The following XKR4 variants were observed in gnomAD, a reference collection of about 807,000 sequenced individuals.
XKR4 encodes XK related 4.
Under a neutral mutation model 53.9 loss-of-function variants are expected in XKR4, and 12 were observed. The observed-to-expected ratio is 0.22, with a 90% CI of 0.14 to 0.36. The LOEUF is 0.36. Ranked by LOEUF, XKR4 falls within the 10% of genes least tolerant of loss-of-function variation. The pLI is 1.00. For synonymous variants in XKR4, 354 were observed against 362.4 expected (o/e 0.98, Z 0.26); for missense variants, 799 against 859.5 (o/e 0.93, Z 0.88).
At chr8:55,446,319 G>A (rs1805346075) in intron 2 of XKR4, among the ~76,000 whole-genome samples, 1 of 152,106 alleles carries the variant, frequency 6.6e-6, no homozygotes, top group African/African-American at 2.4e-5. Flanking sequence ...GGCGCTGGGA[G>A]ACGAATCAAA....
intron 1 of XKR4, among the ~76,000 whole-genome samples, chr8:55,222,188 G>A (rs1209642616): frequency 6.6e-6 from 1 of 152,122 alleles, no homozygotes; most frequent in African/African-American, 2.4e-5. Flanking sequence ...CTTAGATCAT[G>A]TTTTTCAAAC....
At chr8:55,457,394 G>T (rs1030092949) in intron 2 of XKR4, among the ~76,000 whole-genome samples, 2 of 152,106 alleles carry the variant, frequency 1.3e-5, no homozygotes, top group Non-Finnish European at 1.5e-5. Context: ...TGCCCGCTTT[G>T]GCCTCCCAAA....
intron 2 of XKR4, among the ~76,000 whole-genome samples, chr8:55,471,172 G>A (rs752319144): frequency 2.0e-5 from 3 of 152,122 alleles, no homozygotes; most frequent in African/African-American, 4.8e-5. Context: ...GGTGGCAGCT[G>A]TGTTGGACAG....
chr8:55,461,754 A>G (rs1297803252), intron 2 of XKR4, among the ~76,000 whole-genome samples: 1 of 152,234 alleles, frequency 6.6e-6, no homozygotes, highest in Non-Finnish European at 1.5e-5. Context: ...GATAACTAGA[A>G]TAACCAATGC....
intron 2 of XKR4, among the ~76,000 whole-genome samples, chr8:55,364,569 C>T (rs1178921718): frequency 6.6e-6 from 1 of 152,160 alleles, no homozygotes; most frequent in Non-Finnish European, 1.5e-5. Flanking sequence ...CTGTTTTTCT[C>T]AATGTCCTTC....
At position 55,220,033 on chromosome 8, in the gene XKR4, T is replaced by A. The variant is rs183696070; in HGVS notation, c.806+116739T>A. Among the ~76,000 whole-genome samples, 4 of 152,274 alleles carry A rather than the reference T, an allele frequency of 2.6e-5. No homozygotes were observed. In the East Asian group the frequency reaches 7.7e-4, roughly 29 times the overall value. ...CCATAGTTAAAAATAATATATTGTA[T>A]GTTTCAAAATTGCTAACGAATAGAT... On this transcript the variant is annotated intron_variant, in intron 1 of 2. Coordinates refer to ENST00000327381, the MANE Select transcript of XKR4 (RefSeq NM_052898.2).
intron 1 of XKR4, among the ~76,000 whole-genome samples, chr8:55,348,721 CAGAG>C (rs57415116): frequency 6.7e-6 from 1 of 150,040 alleles, no homozygotes; most frequent in Non-Finnish European, 1.5e-5. Flanking sequence ...CACACACACA[CAGAG>C]AGAGAGATGA....
intron 1 of XKR4, among the ~76,000 whole-genome samples, chr8:55,316,054 C>A (rs1442635001): frequency 1.3e-5 from 2 of 152,170 alleles, no homozygotes; most frequent in Non-Finnish European, 2.9e-5. Context: ...AAAATCATTG[C>A]AACATGAATT....
chr8:55,516,469 TA>T (rs11326924), intron 2 of XKR4, among the ~76,000 whole-genome samples: 5,658 of 152,164 alleles, frequency 0.037, 347 homozygotes, highest in African/African-American at 0.12. Context: ...AAATTTCCTC[TA>T]AAAAATGTTG....
chr8:55,252,412 T>G (rs1219607607), intron 1 of XKR4, among the ~76,000 whole-genome samples: 1 of 152,186 alleles, frequency 6.6e-6, no homozygotes, highest in East Asian at 1.9e-4. Context: ...ATTTTTGTTT[T>G]ATTGTGTATT....
intron 2 of XKR4, among the ~76,000 whole-genome samples, chr8:55,507,904 G>C (rs1026332548): frequency 5.9e-5 from 9 of 152,046 alleles, no homozygotes; most frequent in African/African-American, 2.2e-4. Context: ...TCTAGTTCTA[G>C]ATCCCTGAGG....
At chr8:55,475,327 C>G (rs765615347) in intron 2 of XKR4, among the ~76,000 whole-genome samples, 13 of 152,108 alleles carry the variant, frequency 8.5e-5, no homozygotes, top group Admixed American at 2.6e-4. Context: ...GAATTCCATG[C>G]CTGAAAATGT....
intron 1 of XKR4, among the ~76,000 whole-genome samples, chr8:55,287,212 C>A (rs534405034): frequency 1.3e-5 from 2 of 150,470 alleles, no homozygotes; most frequent in Admixed American, 6.6e-5. Context: ...CACTTTCAAC[C>A]ACCGACAAAT....
chr8:55,121,672 G>T (rs1816392641), intron 1 of XKR4, among the ~76,000 whole-genome samples: 1 of 152,124 alleles, frequency 6.6e-6, no homozygotes, highest in Non-Finnish European at 1.5e-5. Context: ...TCACATGGGG[G>T]AAATAAAAAA....
intron 1 of XKR4, among the ~76,000 whole-genome samples, chr8:55,218,336 G>T (rs1210261407): frequency 1.3e-5 from 2 of 152,150 alleles, no homozygotes; most frequent in Admixed American, 1.3e-4. Context: ...CTAGAAAAAG[G>T]AAGCATTTCA....
chr8:55,358,021 A>G (rs2129384388), intron 2 of XKR4, 144 bp downstream of exon 2: 1 of 832,980 alleles, frequency 1.2e-6, no homozygotes, highest in Non-Finnish European at 1.8e-6. Context: ...TGAATGATGC[A>G]TGATGTTTTC....
intron 1 of XKR4, among the ~76,000 whole-genome samples, chr8:55,243,648 A>C (rs776423731): frequency 3.3e-5 from 5 of 152,208 alleles, no homozygotes; most frequent in Admixed American, 6.5e-5. Flanking sequence ...CTACCAAACT[A>C]TCTTCCAAAG....
intron 1 of XKR4, among the ~76,000 whole-genome samples, chr8:55,188,580 T>G (rs1474261333): frequency 6.6e-6 from 1 of 152,196 alleles, no homozygotes; most frequent in South Asian, 2.1e-4. Flanking sequence ...AAGTGTCTCC[T>G]TTGAAAACAG....
chr8:55,191,316 A>C (rs1404343978), intron 1 of XKR4, among the ~76,000 whole-genome samples: 7 of 152,198 alleles, frequency 4.6e-5, no homozygotes, highest in Non-Finnish European at 8.8e-5. Context: ...GGGATTGCAG[A>C]GTGGCCAGCC....
Sources: gnomAD v4.1 joint callset for allele counts (sites outside exome capture counted in the v4.1 genomes callset) on GRCh38, gnomAD v4.1.1 for gene constraint, MANE v1.5 for transcripts, NCBI Gene and HGNC (gene_info 2026-07-23, HGNC 2026-07-21) for gene names.